MACROH2A1: variants seen among roughly 807,000 people sequenced by gnomAD.
MACROH2A1 encodes the protein macroH2A.1 histone.
MACROH2A1 carries 2 observed loss-of-function variants against 31.6 expected under a neutral mutation model. The observed-to-expected ratio is 0.06, with a 90% CI of 0.03 to 0.20. The LOEUF (loss-of-function observed/expected upper bound fraction) is 0.20. Among genes scored for constraint, MACROH2A1 ranks in the 10% least tolerant of loss-of-function variants. MACROH2A1 has a pLI of 1.00. For missense variants in MACROH2A1, 230 were observed against 474.0 expected (o/e 0.49, Z 4.78); for synonymous variants, 169 against 189.6 (o/e 0.89, Z 0.89).
chr5:135,340,334 G>T (rs558743829), intron 8 of MACROH2A1, among the ~76,000 whole-genome samples: 1 of 152,114 alleles, frequency 6.6e-6, no homozygotes, highest in Non-Finnish European at 1.5e-5. Context: ...TTAGCACCGC[G>T]CCTGGGGCTC....
rs371214235 is a variant in MACROH2A1, at chr5:135,353,059, C to G, written c.589-14G>C. The G allele has an allele frequency of 7.8e-6, 12 of 1,531,196 alleles. No homozygotes were observed. The highest frequency in any genetic ancestry group is 1.0e-5 in the Non-Finnish European group (11 of 1,104,382). The allele number at this position is 1,531,196 out of a possible 1,614,324, so 94.9% of individuals were successfully genotyped here. On this transcript the variant is annotated splice_polypyrimidine_tract_variant and intron_variant, in intron 5 of 8. Transcript: ENST00000511689. ...AATAAGGTTCAGCTGCAAAGAAAAGCATGAGGTGGGAAATAACAGGAGAGC... is the reference window on the plus strand; with the variant it reads ...AATAAGGTTCAGCTGCAAAGAAAAGGATGAGGTGGGAAATAACAGGAGAGC...
intron 8 of MACROH2A1, 120 bp from the exon 9 acceptor site, chr5:135,335,261 T>C (rs1758452226): frequency 1.4e-6 from 1 of 701,856 alleles, no homozygotes; most frequent in Non-Finnish European, 2.4e-6. Flanking sequence ...TCGGTGTCTG[T>C]TGAGCCCCGT....
intron 2 of MACROH2A1, among the ~76,000 whole-genome samples, chr5:135,379,554 CT>C (rs1202791694): frequency 6.6e-6 from 1 of 152,140 alleles, no homozygotes; most frequent in Non-Finnish European, 1.5e-5. Context: ...TTATTTATAG[CT>C]CTGAGGAGTG....
rs1581360226 is a variant in MACROH2A1, at chr5:135,389,168, A to G, written c.-33-42T>C. 1.0e-5 allele frequency: 15 copies of G among 1,465,606 alleles called. 1 individual carries two copies. In the East Asian group the frequency reaches 3.0e-4, roughly 29 times the overall value. 90.8% of individuals were successfully genotyped at this position (1,465,606 alleles called of 1,614,324 possible). On this transcript the variant is annotated intron_variant, in intron 1 of 8. Coordinates refer to ENST00000511689, the MANE Select transcript of MACROH2A1 (RefSeq NM_138610.3). ...CACACCGGTCAGGGTGGCTGGGGAC[A>G]GCACATGTCCCCTTTCCAGGTACAC...
At chr5:135,335,557 G>A (rs1019387538) in intron 8 of MACROH2A1, among the ~76,000 whole-genome samples, 2 of 152,124 alleles carry the variant, frequency 1.3e-5, no homozygotes, top group African/African-American at 4.8e-5. Flanking sequence ...CTCTGGGAAG[G>A]CACTGACCTC....
intron 2 of MACROH2A1, among the ~76,000 whole-genome samples, chr5:135,373,632 G>A (rs1561636181): frequency 6.6e-6 from 1 of 152,208 alleles, no homozygotes. Flanking sequence ...GGGGCAGAAG[G>A]AGGAGCATCT....
rs558574332 is a variant in MACROH2A1, at chr5:135,336,460, C to T, written c.954-1319G>A. ...CCCCCAGCCTATGTGAAGGAGCCTG[C>T]GGGCAATTAGTGGGGGGCAACCCAG... is the stretch of plus-strand genomic sequence containing the variant. On this transcript the variant is annotated intron_variant, in intron 8 of 8. Coordinates refer to ENST00000511689, the MANE Select transcript of MACROH2A1 (RefSeq NM_138610.3). Among the ~76,000 whole-genome samples the T allele has an allele frequency of 1.2e-4, 18 of 152,272 alleles. No individual in the cohort carries two copies. The South Asian group carries it at 2.1e-3, about 18-fold the overall frequency.
chr5:135,336,059 C>T (rs1300389178), intron 8 of MACROH2A1, among the ~76,000 whole-genome samples: 1 of 152,210 alleles, frequency 6.6e-6, no homozygotes, highest in Non-Finnish European at 1.5e-5. Context: ...GGCAGATCTA[C>T]AGTCACAGAT....
chr5:135,344,683 A>G (rs115344993), intron 7 of MACROH2A1: 11 of 152,380 alleles, frequency 7.2e-5, no homozygotes, highest in African/African-American at 2.4e-4. Flanking sequence ...GCACAGTGGA[A>G]CAGGAGTATG....
chr5:135,377,014 A>C (rs1764972249), intron 2 of MACROH2A1, among the ~76,000 whole-genome samples: 1 of 152,222 alleles, frequency 6.6e-6, no homozygotes, highest in Admixed American at 6.5e-5. Flanking sequence ...AACAGTTAAC[A>C]TATGTTTGAA....
At chr5:135,391,714 G>A (rs1434945531) in intron 1 of MACROH2A1, among the ~76,000 whole-genome samples, 1 of 152,154 alleles carries the variant, frequency 6.6e-6, no homozygotes, top group East Asian at 1.9e-4. Context: ...CACCAAACTA[G>A]CCAAACAGCA....
At chr5:135,388,718 CACA>C (rs1241553541) in intron 2 of MACROH2A1, among the ~76,000 whole-genome samples, 1 of 152,182 alleles carries the variant, frequency 6.6e-6, no homozygotes, top group Non-Finnish European at 1.5e-5. Context: ...TGCATGCACA[CACA>C]CAATGAGGGG....
chr5:135,336,910 C>T (rs1358494646), intron 8 of MACROH2A1, among the ~76,000 whole-genome samples: 3 of 152,116 alleles, frequency 2.0e-5, no homozygotes, highest in Non-Finnish European at 4.4e-5. Flanking sequence ...GCAGCTCAGG[C>T]TGCTTCTAAC....
rs749367763 is a variant in MACROH2A1, at chr5:135,353,049, C to A, written c.589-4G>T. 75 of 1,569,524 alleles carry A rather than the reference C, an allele frequency of 4.8e-5. 1 individual carries two copies. In the South Asian group the frequency reaches 8.2e-4, roughly 17 times the overall value. ...TTTCACTGTGAATAAGGTTCAGCTG[C>A]AAAGAAAAGCATGAGGTGGGAAATA... is the stretch of plus-strand genomic sequence containing the variant. On this transcript the variant is annotated splice_region_variant and splice_polypyrimidine_tract_variant and intron_variant, in intron 5 of 8. Coordinates refer to ENST00000511689, the MANE Select transcript of MACROH2A1 (RefSeq NM_138610.3).
At position 135,369,525 on chromosome 5, in the gene MACROH2A1, A is replaced by G; in HGVS notation, c.358T>C (p.Ser120Pro). 6.2e-7 allele frequency: 1 copy of G among 1,614,006 alleles called. No homozygotes were observed. Among genetic ancestry groups the G allele is most frequent in the Non-Finnish European group, 8.5e-7 (1 of 1,179,938 alleles). ...ATGATGGCTTCCAACTTTCCTTTGG[A>G]TCCCCGCTTCTTCGCTAGCAACTCG... ...HPELLAKKRG[S>P]KGKLEAIITP... The change falls in exon 4 of 9, where the codon TCC (serine) becomes CCC (proline). Residue 120 changes from serine (S) to proline (P), a missense_variant. By Grantham distance (74) the Ser-to-Pro change is moderately conservative. Around this residue, in one of 2 missense-constraint regions of MACROH2A1, gnomAD observed 183 missense variants for 319.3 expected, o/e 0.57. Coordinates refer to ENST00000511689, the MANE Select transcript of MACROH2A1 (RefSeq NM_138610.3). This position sits in a 1 kb window ranked among gnomAD's most constrained non-coding sequence, Gnocchi z 4.3.
At chr5:135,360,405 C>T (rs1164586134) in intron 5 of MACROH2A1, 92 bp downstream of exon 5, 1 of 862,326 alleles carries the variant, frequency 1.2e-6, no homozygotes, top group Non-Finnish European at 1.9e-6. Flanking sequence ...TGGGAGTGGC[C>T]CCCGGGATCC....
At chr5:135,387,284 TA>T (rs1766546431) in intron 2 of MACROH2A1, among the ~76,000 whole-genome samples, 1 of 152,242 alleles carries the variant, frequency 6.6e-6, no homozygotes, top group Admixed American at 6.5e-5. Context: ...GAGTCTTTGC[TA>T]AGCAGAAAGT....
intron 1 of MACROH2A1, among the ~76,000 whole-genome samples, chr5:135,397,037 G>A (rs1052637580): frequency 6.6e-6 from 1 of 151,968 alleles, no homozygotes; most frequent in Non-Finnish European, 1.5e-5. Flanking sequence ...GCTCTGAAAA[G>A]GCTGTCACAA....
At chr5:135,340,830 G>A (rs559254980) in intron 8 of MACROH2A1, among the ~76,000 whole-genome samples, 1 of 152,220 alleles carries the variant, frequency 6.6e-6, no homozygotes, top group Non-Finnish European at 1.5e-5. Context: ...TTTTACTCAT[G>A]AAAGAGAGGG....
Sources: allele counts gnomAD v4.1 joint callset (sites outside exome capture counted in the v4.1 genomes callset), GRCh38; gene constraint gnomAD v4.1.1; regional missense constraint gnomAD v4.1.1; non-coding constraint Gnocchi (gnomAD v3.1); transcripts MANE v1.5; gene names NCBI Gene and HGNC (gene_info 2026-07-23, HGNC 2026-07-21).